CSMD2: variants seen among roughly 807,000 people sequenced by gnomAD.
CSMD2 encodes CUB and Sushi multiple domains 2, also known as CUB and sushi domain-containing protein 2.
A neutral mutation model predicts 398.5 loss-of-function variants in CSMD2; 130 were observed. That is an observed-to-expected ratio of 0.33 (90% confidence interval 0.28 to 0.38). The LOEUF (loss-of-function observed/expected upper bound fraction) is 0.38. CSMD2 is among the 10% of genes least tolerant of loss of function. The pLI is 1.00. For synonymous variants in CSMD2, 1,828 were observed against 1,908.5 expected, an observed-to-expected ratio of 0.96 and a Z score of 1.10; for missense variants, 3,829 against 4,764.9, an observed-to-expected ratio of 0.80 and a Z score of 5.78.
rs1475489704 is a variant in CSMD2, at chr1:33,761,039, C to T, written c.1846+11530G>A. Among the ~76,000 whole-genome samples the T allele has an allele frequency of 4.6e-5, 7 of 152,126 alleles. No individual in the cohort carries two copies. In the South Asian group the frequency reaches 6.2e-4, roughly 14 times the overall value. ...CCATTTGCAGGAATGACTGACTGCT[C>T]GACTGCCAACTGTGACCTGGTGAGG... On this transcript the variant is annotated intron_variant, in intron 13 of 70. Coordinates refer to ENST00000373381, the MANE Select transcript of CSMD2 (RefSeq NM_001281956.2).
intron 5 of CSMD2, among the ~76,000 whole-genome samples, chr1:33,909,317 T>C (rs767233388): frequency 2.6e-5 from 4 of 152,164 alleles, no homozygotes; most frequent in Admixed American, 6.5e-5. Context: ...GTTCTTCCCC[T>C]GTGGCTCCTT....
chr1:33,626,473 A>C lies in CSMD2; in HGVS notation c.5296+13T>G. The C allele has an allele frequency of 6.3e-7, 1 of 1,582,592 alleles. No homozygotes were observed. The highest frequency in any genetic ancestry group is 8.6e-7 in the Non-Finnish European group (1 of 1,162,958). ...GATCACCTTCCTACCTCCGGCGTCCATGTCCTCCATACCTTGGTAGACAAA... is the reference window on the plus strand; with the variant it reads ...GATCACCTTCCTACCTCCGGCGTCCCTGTCCTCCATACCTTGGTAGACAAA... On this transcript the variant is annotated intron_variant, in intron 33 of 70. Coordinates refer to ENST00000373381, the MANE Select transcript of CSMD2 (RefSeq NM_001281956.2).
At position 33,519,482 on chromosome 1, in the gene CSMD2, G is replaced by T; in HGVS notation, c.*36C>A. The T allele has an allele frequency of 6.2e-7, 1 of 1,603,586 alleles. No homozygotes were observed. The highest frequency in any genetic ancestry group is 1.3e-5 in the African/African-American group (1 of 74,838). On this transcript the variant is annotated 3_prime_UTR_variant, in exon 70 of 71. Transcript: ENST00000373381. This position sits in a 1 kb window ranked among gnomAD's most constrained non-coding sequence, Gnocchi z 5.6. ...CTGCTCACCGGCTGCTGGAGGCGGG[G>T]CTCTCGGTGGCGGTGGTGGCGGCCA...
At chr1:33,798,842 C>T (rs750102348) in intron 10 of CSMD2, among the ~76,000 whole-genome samples, 2 of 152,184 alleles carry the variant, frequency 1.3e-5, no homozygotes, top group African/African-American at 2.4e-5. Context: ...CCCCTTGCCA[C>T]GTGCTGTCCA....
At chr1:33,697,863 C>T (rs1284262329) in intron 24 of CSMD2, among the ~76,000 whole-genome samples, 1 of 152,234 alleles carries the variant, frequency 6.6e-6, no homozygotes, top group African/African-American at 2.4e-5. Flanking sequence ...AATACCCAGA[C>T]ATACATGTGC....
intron 2 of CSMD2, among the ~76,000 whole-genome samples, chr1:34,049,182 G>A (rs995170632): frequency 7.9e-5 from 12 of 152,140 alleles, no homozygotes; most frequent in Admixed American, 2.6e-4. Flanking sequence ...CCAAACCATC[G>A]ATATTTGCAG....
chr1:33,698,753 C>T lies in CSMD2; in HGVS notation c.3925G>A (p.Ala1309Thr), dbSNP rs1645505438. ...TWDRPLPTCV[A>T]ECGGTVRGEV... Reference sequence around the variant, plus strand: ...CCCTGCAGAGGAAGAGCCCTCCTACCGACACAGGTGGGCAGAGGCCGGTCC... The same window carrying T: ...CCCTGCAGAGGAAGAGCCCTCCTACTGACACAGGTGGGCAGAGGCCGGTCC... The change falls in exon 24 of 71, where the codon GCC becomes ACC. Residue 1309 changes from alanine (A) to threonine (T), a missense_variant and splice_region_variant. By Grantham distance (58) the Ala-to-Thr change is moderately conservative. This residue lies in a region of CSMD2 where 2,001 missense variants were observed against 2,567.1 expected (regional missense o/e 0.78). Coordinates refer to ENST00000373381, the MANE Select transcript of CSMD2 (RefSeq NM_001281956.2). The T allele has an allele frequency of 2.5e-6, 4 of 1,610,268 alleles. No homozygotes were observed. The highest frequency in any genetic ancestry group is 1.3e-5 in the African/African-American group (1 of 74,814).
chr1:33,873,724 AC>A (rs924228168), intron 5 of CSMD2: 2 of 152,216 alleles, frequency 1.3e-5, no homozygotes, highest in African/African-American at 2.4e-5. Context: ...CTTATGAGAA[AC>A]CCTAAGCCAG....
chr1:34,033,562 C>A (rs2148158682), intron 2 of CSMD2, among the ~76,000 whole-genome samples: 1 of 152,350 alleles, frequency 6.6e-6, no homozygotes, highest in South Asian at 2.1e-4. Context: ...GTGACCCTCA[C>A]AGGGACCTGA....
chr1:33,830,557 G>A (rs1272639804), intron 6 of CSMD2, among the ~76,000 whole-genome samples: 2 of 152,116 alleles, frequency 1.3e-5, no homozygotes, highest in African/African-American at 2.4e-5. Flanking sequence ...CACAAAGATG[G>A]GGAAAAAACA....
At chr1:33,613,569 C>A (rs538003962) in intron 40 of CSMD2, among the ~76,000 whole-genome samples, 1 of 152,312 alleles carries the variant, frequency 6.6e-6, no homozygotes, top group African/African-American at 2.4e-5. Flanking sequence ...TTAGAGAAGG[C>A]CAGTTAGACT....
In CSMD2 at chr1:33,617,551, T is replaced by C. The variant is rs1338455634; in HGVS notation, c.5894A>G (p.Tyr1965Cys). 20 of 1,614,128 alleles carry C rather than the reference T, an allele frequency of 1.2e-5. No homozygotes were observed. Among genetic ancestry groups the C allele is most frequent in the Non-Finnish European group, 1.7e-5 (20 of 1,180,014 alleles). The change falls in exon 38 of 71, where the codon TAC (tyrosine) becomes TGC (cysteine). Residue 1965 changes from tyrosine to cysteine, a missense_variant. Tyr to Cys is a radical substitution (Grantham distance 194). Around this residue, in one of 5 missense-constraint regions of CSMD2, gnomAD observed 2,001 missense variants for 2,567.1 expected, o/e 0.78. Coordinates refer to ENST00000373381, the MANE Select transcript of CSMD2 (RefSeq NM_001281956.2). Reference sequence around the variant, plus strand: ...GAAAGACACCACATCATTCACCAAGTAGCGCTCGCCAGTCTTCACCCCGTT... The same window carrying C: ...GAAAGACACCACATCATTCACCAAGCAGCGCTCGCCAGTCTTCACCCCGTT... ...PSNGVKTGER[Y>C]LVNDVVSFQC...
In CSMD2 at chr1:33,614,561, C is replaced by G; in HGVS notation, c.6076G>C (p.Gly2026Arg). 6.2e-7 allele frequency: 1 copy of G among 1,613,758 alleles called. No homozygotes were observed. The highest frequency in any genetic ancestry group is 8.5e-7 in the Non-Finnish European group (1 of 1,179,756). The change falls in exon 40 of 71, where the codon GGC becomes CGC. Residue 2026 changes from glycine to arginine, a missense_variant. Physicochemically the swap from Gly to Arg is moderately radical, Grantham distance 125. Transcript: ENST00000373381. Reference protein sequence around the residue: ...EGVILSPGFPGNYPSNMDCSW... With the variant: ...EGVILSPGFPRNYPSNMDCSW... ...CAGTCCATGTTACTGGGGTAGTTGC[C>G]TGGGAAGCCGGGGCTCAGGATCACC...
At chr1:33,654,349 C>T (rs1643886677) in intron 27 of CSMD2, among the ~76,000 whole-genome samples, 2 of 152,186 alleles carry the variant, frequency 1.3e-5, no homozygotes, top group Non-Finnish European at 2.9e-5. Flanking sequence ...CAGAGTCACT[C>T]TGAGACTCAA....
At chr1:33,682,018 G>A (rs1301463064) in intron 25 of CSMD2, among the ~76,000 whole-genome samples, 2 of 152,148 alleles carry the variant, frequency 1.3e-5, no homozygotes, top group African/African-American at 2.4e-5. Context: ...TCATAGTTCT[G>A]GAGGCCAGAT....
chr1:33,549,851 G>A (rs1026112986), intron 56 of CSMD2, among the ~76,000 whole-genome samples: 4 of 152,154 alleles, frequency 2.6e-5, no homozygotes, highest in Admixed American at 6.5e-5. Flanking sequence ...AGGAAGACTT[G>A]AACTGTCCCC....
intron 2 of CSMD2, among the ~76,000 whole-genome samples, chr1:34,041,856 GAGA>G (rs368312533): frequency 1.5e-4 from 23 of 152,350 alleles, no homozygotes; most frequent in African/African-American, 5.3e-4. Context: ...GCTCCACGCA[GAGA>G]AGAACACTGG....
chr1:34,009,549 C>T (rs1647178319), intron 3 of CSMD2, among the ~76,000 whole-genome samples: 1 of 151,974 alleles, frequency 6.6e-6, no homozygotes, highest in Admixed American at 6.6e-5. Flanking sequence ...ATGGTCCCTC[C>T]ATGTAAGCCT....
At chr1:33,554,185 CTTTTTTTTTTTT>C (rs397860875) in intron 55 of CSMD2, among the ~76,000 whole-genome samples, 1 of 74,384 alleles carries the variant, frequency 1.3e-5, no homozygotes. Context: ...AAAAAACAGC[CTTTTTTTTTTTT>C]TTTTTTTTTT....
Sources: allele counts gnomAD v4.1 joint callset (sites outside exome capture counted in the v4.1 genomes callset), GRCh38; gene constraint gnomAD v4.1.1; regional missense constraint gnomAD v4.1.1; non-coding constraint Gnocchi (gnomAD v3.1); transcripts MANE v1.5; gene names NCBI Gene and HGNC (gene_info 2026-07-23, HGNC 2026-07-21).